MBD5: variants seen among roughly 807,000 people sequenced by gnomAD.
MBD5 encodes the protein methyl-CpG binding domain protein 5, also known as methyl-CpG-binding domain protein 5.
Under a neutral mutation model 117.3 loss-of-function variants are expected in MBD5, and 13 were observed. The observed-to-expected ratio is 0.11, with a 90% CI of 0.07 to 0.18. The LOEUF is 0.18. Among genes scored for constraint, MBD5 ranks in the 10% least tolerant of loss-of-function variants. The pLI, the probability that MBD5 is intolerant of heterozygous loss-of-function variation, is 1.00. For missense variants in MBD5, 1,879 were observed against 2,093.8 expected (o/e 0.90, Z 2.00); for synonymous variants, 727 against 766.4 (o/e 0.95, Z 0.85).
At chr2:148,476,737 G>T (rs1050796799) in intron 8 of MBD5, among the ~76,000 whole-genome samples, 48 of 152,280 alleles carry the variant, frequency 3.2e-4, no homozygotes, top group African/African-American at 1.1e-3. Flanking sequence ...CCTAGGATGT[G>T]CTAGGCACTG....
At chr2:148,452,485 G>T (rs1209119078) in intron 4 of MBD5, among the ~76,000 whole-genome samples, 1 of 152,078 alleles carries the variant, frequency 6.6e-6, no homozygotes, top group Non-Finnish European at 1.5e-5. Context: ...GGGCAATGGA[G>T]TGAGACCTTG....
chr2:148,177,087 G>A (rs1021612293), intron 1 of MBD5, among the ~76,000 whole-genome samples: 1 of 152,070 alleles, frequency 6.6e-6, no homozygotes, highest in South Asian at 2.1e-4. Context: ...TGTCTATATT[G>A]ATTTATTGCT....
chr2:148,030,474 T>C (rs543523266), intron 1 of MBD5, among the ~76,000 whole-genome samples: 67 of 152,284 alleles, frequency 4.4e-4, no homozygotes, highest in Non-Finnish European at 6.6e-4. Flanking sequence ...AAGTATGCAA[T>C]GTTTATGAAT....
chr2:148,490,736 A>G, intron 11 of MBD5, 142 bp downstream of exon 11: 2 of 1,032,636 alleles, frequency 1.9e-6, no homozygotes, highest in Non-Finnish European at 2.8e-6. Context: ...CTTCTGGAGC[A>G]TAAAATGAAG....
At chr2:148,458,953 C>T in intron 5 of MBD5, 82 bp downstream of exon 5, 2 of 1,069,718 alleles carry the variant, frequency 1.9e-6, no homozygotes, top group South Asian at 2.5e-5. Flanking sequence ...TGACTGATGG[C>T]ACCTCATATA....
chr2:148,074,507 G>GTTTTTTTTTTTTTTTTTTTTTTTTTT (rs11443189), intron 1 of MBD5, among the ~76,000 whole-genome samples: 8 of 113,772 alleles, frequency 7.0e-5, no homozygotes, highest in African/African-American at 1.0e-4. Flanking sequence ...TTTTTTTTTT[G>GTTTTTTTTTTTTTTTTTTTTTTTTTT]TTTTTTTTTT....
At chr2:148,167,599 G>A (rs371365718) in intron 1 of MBD5, among the ~76,000 whole-genome samples, 1 of 152,182 alleles carries the variant, frequency 6.6e-6, no homozygotes, top group East Asian at 1.9e-4. Context: ...TCTTGGAATG[G>A]TAGTGTCTTG....
At chr2:148,382,371 A>G (rs1192420906) in intron 4 of MBD5, among the ~76,000 whole-genome samples, 2 of 152,222 alleles carry the variant, frequency 1.3e-5, no homozygotes, top group African/African-American at 2.4e-5. Flanking sequence ...CCATTACATA[A>G]TGGTAAAGGG....
At chr2:148,126,121 G>T (rs541743446) in intron 1 of MBD5, among the ~76,000 whole-genome samples, 2 of 152,028 alleles carry the variant, frequency 1.3e-5, no homozygotes, top group South Asian at 4.1e-4. Flanking sequence ...CAGGCTGGGC[G>T]CAGTGGCTCA....
intron 5 of MBD5, among the ~76,000 whole-genome samples, chr2:148,461,574 C>T (rs1209863001): frequency 6.6e-6 from 1 of 152,108 alleles, no homozygotes; most frequent in African/African-American, 2.4e-5. Flanking sequence ...TCTGGATGAA[C>T]TTGGTCAGAG....
chr2:148,468,636 A>C lies in MBD5; in HGVS notation c.693A>C (p.Ile231=). The C allele has an allele frequency of 1.2e-6, 2 of 1,613,942 alleles. No homozygotes were observed. Among genetic ancestry groups the C allele is most frequent in the Non-Finnish European group, 1.7e-6 (2 of 1,179,876 alleles). The change falls in exon 8 of 14, where the codon ATA becomes ATC. Residue 231 remains isoleucine (I), a synonymous_variant. Transcript: ENST00000642680. ...LPSPASSGSQ[I]YGDGSISPRT... is the part of the protein sequence containing the mutation. ...GCCCAGCGTCATCAGGTTCCCAGATATATGGAGATGGTTCAATCTCTCCAA... is the reference window on the plus strand; with the variant it reads ...GCCCAGCGTCATCAGGTTCCCAGATCTATGGAGATGGTTCAATCTCTCCAA...
chr2:148,510,386 G>A (rs913404026), intron 13 of MBD5, among the ~76,000 whole-genome samples: 1 of 152,212 alleles, frequency 6.6e-6, no homozygotes, highest in African/African-American at 2.4e-5. Context: ...TAAAATATGA[G>A]CAGCAAAATA....
intron 4 of MBD5, among the ~76,000 whole-genome samples, chr2:148,388,676 T>C (rs1163316534): frequency 1.3e-5 from 2 of 152,170 alleles, no homozygotes; most frequent in African/African-American, 2.4e-5. Flanking sequence ...TGCTGAGGCC[T>C]CGCTCCTTGG....
intron 4 of MBD5, among the ~76,000 whole-genome samples, chr2:148,348,190 T>A (rs1053323201): frequency 6.6e-6 from 1 of 152,000 alleles, no homozygotes; most frequent in Non-Finnish European, 1.5e-5. Flanking sequence ...GTGACTCTCT[T>A]ATGCCCTTGT....
At chr2:148,071,831 G>A (rs1695365912) in intron 1 of MBD5, 1 of 152,092 alleles carries the variant, frequency 6.6e-6, no homozygotes, top group Non-Finnish European at 1.5e-5. Context: ...GTTGAAAATA[G>A]AATAAGAATT....
intron 4 of MBD5, among the ~76,000 whole-genome samples, chr2:148,350,555 A>C (rs139181752): frequency 7.2e-5 from 11 of 152,136 alleles, no homozygotes; most frequent in Non-Finnish European, 1.6e-4. Context: ...CTTTTACTGG[A>C]AAAATCAAAA....
In MBD5 at chr2:148,468,321, T is replaced by G. The variant is rs745708840; in HGVS notation, c.398-20T>G. 8 of 1,608,510 alleles carry G rather than the reference T, an allele frequency of 5.0e-6. No homozygotes were observed. The highest frequency in any genetic ancestry group is 8.5e-7 in the Non-Finnish European group (1 of 1,175,722). On this transcript the variant is annotated intron_variant, in intron 7 of 13. Coordinates refer to ENST00000642680, the MANE Select transcript of MBD5 (RefSeq NM_001378120.1). ...GAGTTGAGACTGTTAACAGAATTCT[T>G]TTTTTCTCTTTCACATCAGATGCAA...
At chr2:148,236,893 A>G (rs148974234) in intron 3 of MBD5, among the ~76,000 whole-genome samples, 1,614 of 152,282 alleles carry the variant, frequency 0.011, 17 homozygotes, top group Non-Finnish European at 0.015. Flanking sequence ...ACCTTCATCA[A>G]TGATTTTAGC....
intron 4 of MBD5, among the ~76,000 whole-genome samples, chr2:148,417,319 A>G (rs1209931439): frequency 1.1e-4 from 4 of 35,070 alleles, no homozygotes; most frequent in Non-Finnish European, 1.8e-4. Flanking sequence ...TTGTACTTTT[A>G]GTAGAGATGG....
Sources: gnomAD v4.1 joint callset for allele counts (sites outside exome capture counted in the v4.1 genomes callset) on GRCh38, gnomAD v4.1.1 for gene constraint, MANE v1.5 for transcripts, NCBI Gene and HGNC (gene_info 2026-07-23, HGNC 2026-07-21) for gene names.